Variants in FAF1 observed in about 807,000 individuals in gnomAD.
FAF1 encodes FAS-associated factor 1.
FAF1 carries 25 observed loss-of-function variants against 92.5 expected under a neutral mutation model. That is an observed-to-expected ratio of 0.27 (90% CI 0.20 to 0.38). FAF1 has a LOEUF of 0.38. Among genes scored for constraint, FAF1 ranks in the 10% least tolerant of loss-of-function variants. The pLI is 1.00. For synonymous variants in FAF1, 234 were observed against 273.2 expected (o/e 0.86, Z 1.42); for missense variants, 636 against 793.3 (o/e 0.80, Z 2.38).
chr1:50,739,596 A>G (rs1659306014), intron 5 of FAF1, among the ~76,000 whole-genome samples: 1 of 152,114 alleles, frequency 6.6e-6, no homozygotes, highest in African/African-American at 2.4e-5. Context: ...CAAATAATAT[A>G]TACTTCGTTT....
chr1:50,488,083 G>A (rs1646787933), intron 17 of FAF1, among the ~76,000 whole-genome samples: 2 of 152,182 alleles, frequency 1.3e-5, no homozygotes, highest in South Asian at 4.1e-4. Context: ...TCTTAATGGT[G>A]GGATTTATAA....
intron 18 of FAF1, chr1:50,451,938 G>A: frequency 8.9e-7 from 1 of 1,129,296 alleles, no homozygotes. Flanking sequence ...GGACACCCTG[G>A]GCACCAAACA....
chr1:50,612,421 TA>T (rs1368116230), intron 8 of FAF1: 2 of 1,148,888 alleles, frequency 1.7e-6, no homozygotes, highest in East Asian at 7.3e-5. Context: ...GCTACTGTAT[TA>T]ATCAGTGGTC....
intron 7 of FAF1, among the ~76,000 whole-genome samples, chr1:50,681,149 T>C (rs1258607776): frequency 6.6e-6 from 1 of 152,094 alleles, no homozygotes; most frequent in Non-Finnish European, 1.5e-5. Flanking sequence ...CAGGTTCAAA[T>C]GATTCTTCTG....
At chr1:50,814,094 A>T (rs1417929469) in intron 2 of FAF1, among the ~76,000 whole-genome samples, 4 of 152,164 alleles carry the variant, frequency 2.6e-5, no homozygotes, top group Non-Finnish European at 5.9e-5. Flanking sequence ...ATTGTAATAA[A>T]AGTTATGTGA....
intron 17 of FAF1, among the ~76,000 whole-genome samples, chr1:50,479,573 T>C (rs960707805): frequency 3.9e-5 from 6 of 152,242 alleles, no homozygotes; most frequent in Admixed American, 1.3e-4. Flanking sequence ...CTTAATGTGA[T>C]ATTTCTTGGT....
intron 6 of FAF1, among the ~76,000 whole-genome samples, chr1:50,706,425 T>C (rs1397812668): frequency 6.6e-6 from 1 of 152,200 alleles, no homozygotes; most frequent in East Asian, 1.9e-4. Flanking sequence ...GACTCAGTAA[T>C]ACACAGAATT....
intron 15 of FAF1, among the ~76,000 whole-genome samples, chr1:50,498,373 T>C (rs1016570197): frequency 5.9e-5 from 9 of 152,148 alleles, no homozygotes; most frequent in Non-Finnish European, 1.0e-4. Context: ...TAGTACGTCA[T>C]TGAAAGCATA....
At chr1:50,480,482 T>C (rs773872478) in intron 17 of FAF1, among the ~76,000 whole-genome samples, 10 of 152,206 alleles carry the variant, frequency 6.6e-5, no homozygotes, top group Non-Finnish European at 1.3e-4. Context: ...ATTCATTAAT[T>C]CCATGAATTC....
intron 1 of FAF1, among the ~76,000 whole-genome samples, chr1:50,917,976 T>A (rs1038051213): frequency 6.6e-6 from 1 of 152,034 alleles, no homozygotes; most frequent in Non-Finnish European, 1.5e-5. Context: ...ATAATAGAAA[T>A]CAGACCTATG....
At chr1:50,772,469 C>T (rs1397418103) in intron 4 of FAF1, among the ~76,000 whole-genome samples, 1 of 152,082 alleles carries the variant, frequency 6.6e-6, no homozygotes, top group East Asian at 1.9e-4. Flanking sequence ...CAATGGTAGA[C>T]TGGATGAAGA....
intron 2 of FAF1, among the ~76,000 whole-genome samples, chr1:50,827,200 T>G (rs953265709): frequency 1.3e-5 from 2 of 151,804 alleles, no homozygotes; most frequent in Non-Finnish European, 2.9e-5. Context: ...GGGGGAAATG[T>G]GGGGAAAAGA....
chr1:50,862,063 A>G (rs1644439437), intron 1 of FAF1, among the ~76,000 whole-genome samples: 2 of 151,896 alleles, frequency 1.3e-5, no homozygotes. Flanking sequence ...AAAATAGTTT[A>G]GAAGTCATTA....
chr1:50,794,789 A>ATTTTTTTTTTT (rs59806816), intron 3 of FAF1, among the ~76,000 whole-genome samples: 4 of 123,470 alleles, frequency 3.2e-5, no homozygotes, highest in Non-Finnish European at 6.7e-5. Context: ...TCACCCAGCT[A>ATTTTTTTTTTT]TTTTTTTTTT....
chr1:50,819,631 G>GACTC (rs1246829783), intron 2 of FAF1, among the ~76,000 whole-genome samples: 9 of 86,876 alleles, frequency 1.0e-4, no homozygotes, highest in Non-Finnish European at 1.8e-4. Context: ...CCGACTGACT[G>GACTC]ACTCACTCAC....
intron 1 of FAF1, among the ~76,000 whole-genome samples, chr1:50,865,962 C>G (rs909025556): frequency 3.0e-4 from 45 of 151,492 alleles, no homozygotes; most frequent in Admixed American, 2.4e-3. Context: ...ACAACTGATA[C>G]TAACCAAATC....
chr1:50,863,448 T>G (rs1410954644), intron 1 of FAF1, among the ~76,000 whole-genome samples: 1 of 151,696 alleles, frequency 6.6e-6, no homozygotes, highest in East Asian at 1.9e-4. Flanking sequence ...AGGTCATACC[T>G]CAAGAAACTA....
At chr1:50,919,401 TCA>T (rs1201929448) in intron 1 of FAF1, among the ~76,000 whole-genome samples, 2 of 151,272 alleles carry the variant, frequency 1.3e-5, no homozygotes, top group Non-Finnish European at 2.9e-5. Context: ...TAAGCAAAAA[TCA>T]CAGAATGAAT....
intron 12 of FAF1, among the ~76,000 whole-genome samples, chr1:50,574,315 A>T (rs1159775072): frequency 6.6e-6 from 1 of 152,228 alleles, no homozygotes; most frequent in Non-Finnish European, 1.5e-5. Flanking sequence ...ATTGGCTCTT[A>T]CAGCAAGTTA....
Sources: allele counts gnomAD v4.1 joint callset (sites outside exome capture counted in the v4.1 genomes callset), GRCh38; gene constraint gnomAD v4.1.1; transcripts MANE v1.5; gene names NCBI Gene and HGNC (gene_info 2026-07-23, HGNC 2026-07-21).